The following EIF2S1 variants were observed in gnomAD, a reference collection of about 807,000 sequenced individuals.
EIF2S1 encodes the protein eukaryotic translation initiation factor 2 subunit 1.
A neutral mutation model predicts 33.5 loss-of-function variants in EIF2S1; 5 were observed. The ratio of observed to expected loss-of-function variants is 0.15; its 90% CI spans 0.08 to 0.31. EIF2S1 has a LOEUF of 0.31. Among genes scored for constraint, EIF2S1 ranks in the 10% least tolerant of loss-of-function variants. EIF2S1 has a pLI of 1.00. For synonymous variants in EIF2S1, 99 were observed against 127.5 expected (o/e 0.78, Z 1.51); for missense variants, 191 against 384.6 (o/e 0.50, Z 4.21).
At chr14:67,382,905 G>A (rs566292093) in intron 7 of EIF2S1, among the ~76,000 whole-genome samples, 5 of 140,308 alleles carry the variant, frequency 3.6e-5, no homozygotes, top group South Asian at 2.4e-4. Flanking sequence ...ACGTGCGTGC[G>A]TGCGTGTGTG....
At chr14:67,376,206 GA>G in intron 3 of EIF2S1, among the ~76,000 whole-genome samples, 1 of 152,116 alleles carries the variant, frequency 6.6e-6, no homozygotes, top group Non-Finnish European at 1.5e-5. Context: ...TTTTCCAGAG[GA>G]GGAAACAAGT....
At chr14:67,372,310 G>C (rs962955093) in intron 2 of EIF2S1, among the ~76,000 whole-genome samples, 3 of 152,146 alleles carry the variant, frequency 2.0e-5, no homozygotes, top group African/African-American at 7.2e-5. Context: ...AGCTTAAAAT[G>C]AATCATAGAT....
chr14:67,376,647 A>T, intron 4 of EIF2S1, 57 bp downstream of exon 4: 1 of 1,556,596 alleles, frequency 6.4e-7, no homozygotes, highest in Non-Finnish European at 8.7e-7. Flanking sequence ...TTGGCCTGAT[A>T]TTTAACAGCA....
chr14:67,360,717 C>G (rs1326966188), intron 1 of EIF2S1: 1 of 152,992 alleles, frequency 6.5e-6, no homozygotes, highest in African/African-American at 2.4e-5. Context: ...ATTGTACAGC[C>G]TCTACAATAT....
intron 7 of EIF2S1, among the ~76,000 whole-genome samples, chr14:67,383,053 G>A (rs1291092567): frequency 6.6e-6 from 1 of 151,972 alleles, no homozygotes; most frequent in African/African-American, 2.4e-5. Context: ...GTTATTTCAT[G>A]TTTTCAGTTT....
In EIF2S1 at chr14:67,383,834, C is replaced by T. The variant is rs1165522689; in HGVS notation, c.*394C>T. On this transcript the variant is annotated 3_prime_UTR_variant, in exon 8 of 8. Coordinates refer to ENST00000256383, the MANE Select transcript of EIF2S1 (RefSeq NM_004094.5). ...TCTATATAAAATGTATTCAAGCAAACATCAAATAAATTTCTGGGATATTTA... is the reference window on the plus strand; with the variant it reads ...TCTATATAAAATGTATTCAAGCAAATATCAAATAAATTTCTGGGATATTTA... The T allele has an allele frequency of 4.2e-6, 1 of 239,506 alleles. No individual in the cohort carries two copies. Among genetic ancestry groups the T allele is most frequent in the Admixed American group, 5.2e-5 (1 of 19,238 alleles). 14.8% of individuals were successfully genotyped at this position (239,506 alleles called of 1,614,324 possible). A position where few individuals can be genotyped will look rare whatever the true frequency, so the allele number is the denominator to read the frequency against.
At chr14:67,370,508 A>G (rs1256054338) in intron 2 of EIF2S1, among the ~76,000 whole-genome samples, 1 of 152,202 alleles carries the variant, frequency 6.6e-6, no homozygotes, top group Non-Finnish European at 1.5e-5. Flanking sequence ...CAAATTACCA[A>G]TCTGGAATGA....
In EIF2S1 at chr14:67,364,809, T is replaced by C. The variant is rs2085763922; in HGVS notation, c.42T>C (p.Pro14=). 6 of 1,613,866 alleles carry C rather than the reference T, an allele frequency of 3.7e-6. No individual in the cohort carries two copies. The highest frequency in any genetic ancestry group is 5.1e-6 in the Non-Finnish European group (6 of 1,179,844). The change falls in exon 2 of 8, where the codon CCT becomes CCC. Residue 14 remains proline, a synonymous_variant. Coordinates refer to ENST00000256383, the MANE Select transcript of EIF2S1 (RefSeq NM_004094.5). ...LSCRFYQHKF[P]EVEDVVMVNV... The stretch of plus-strand genomic sequence containing the variant: ...GTAGATTTTATCAACACAAATTTCC[T>C]GAGGTGGAAGATGTAGTGATGGTGA...
At chr14:67,375,232 C>CTG (rs3067321) in intron 3 of EIF2S1, among the ~76,000 whole-genome samples, 3,946 of 137,602 alleles carry the variant, frequency 0.029, 58 homozygotes, top group East Asian at 0.065. Context: ...ATCCTCAGTT[C>CTG]TGTGTGTGTG....
At chr14:67,371,077 C>T (rs1435367152) in intron 2 of EIF2S1, among the ~76,000 whole-genome samples, 1 of 152,024 alleles carries the variant, frequency 6.6e-6, no homozygotes, top group Non-Finnish European at 1.5e-5. Flanking sequence ...TTGTATCAGA[C>T]ATTTAAGGCA....
intron 5 of EIF2S1, 104 bp from the exon 6 acceptor site, chr14:67,381,489 T>G (rs1156960075): frequency 1.2e-6 from 1 of 822,202 alleles, no homozygotes. Flanking sequence ...TTGGATTCAG[T>G]ATAAGTATTT....
At chr14:67,370,737 T>A (rs2085815332) in intron 2 of EIF2S1, among the ~76,000 whole-genome samples, 1 of 152,202 alleles carries the variant, frequency 6.6e-6, no homozygotes, top group African/African-American at 2.4e-5. Flanking sequence ...TCAAGAAAAT[T>A]CGGTCCTGAC....
chr14:67,363,675 A>G (rs1440014536), intron 1 of EIF2S1, among the ~76,000 whole-genome samples: 1 of 152,188 alleles, frequency 6.6e-6, no homozygotes, highest in African/African-American at 2.4e-5. Flanking sequence ...TTGTACCACA[A>G]GGAGATAGGC....
intron 2 of EIF2S1, among the ~76,000 whole-genome samples, chr14:67,370,025 C>G (rs956517261): frequency 4.6e-5 from 7 of 152,342 alleles, no homozygotes; most frequent in African/African-American, 1.4e-4. Context: ...AGCATTGTTT[C>G]TATAGATACT....
intron 2 of EIF2S1, among the ~76,000 whole-genome samples, chr14:67,371,333 C>T (rs1265273305): frequency 4.6e-5 from 7 of 150,732 alleles, no homozygotes; most frequent in East Asian, 2.0e-4. Context: ...GGTGGGAGGA[C>T]GGCTTGAGCC....
At chr14:67,381,526 T>C (rs2085887731) in intron 5 of EIF2S1, 67 bp from the exon 6 acceptor site, 1 of 1,280,850 alleles carries the variant, frequency 7.8e-7, no homozygotes, top group Admixed American at 1.7e-5. Context: ...GCCACGTGTT[T>C]GATTTCCTTT....
chr14:67,383,642 A>G lies in EIF2S1; in HGVS notation c.*202A>G, dbSNP rs370639459. ...GTCACACAGTAGCTCCAACACTTTG[A>G]GCATTTTTAAGGGAGTGGCCTCATT... On this transcript the variant is annotated 3_prime_UTR_variant, in exon 8 of 8. Transcript: ENST00000256383. The G allele has an allele frequency of 1.7e-6, 1 of 604,124 alleles. No homozygotes were observed. Among genetic ancestry groups the G allele is most frequent in the South Asian group, 1.7e-5 (1 of 58,336 alleles). The allele number at this position is 604,124 out of a possible 1,614,324, so 37.4% of individuals were successfully genotyped here. A position where few individuals can be genotyped will look rare whatever the true frequency, so the allele number is the denominator to read the frequency against.
At chr14:67,361,634 G>T (rs1339755665) in intron 1 of EIF2S1, among the ~76,000 whole-genome samples, 1 of 152,196 alleles carries the variant, frequency 6.6e-6, no homozygotes, top group Non-Finnish European at 1.5e-5. Context: ...TGAGAAAGAA[G>T]TCCTACCTAC....
At chr14:67,382,986 A>G (rs1043627829) in intron 7 of EIF2S1, among the ~76,000 whole-genome samples, 5 of 152,132 alleles carry the variant, frequency 3.3e-5, no homozygotes, top group African/African-American at 4.8e-5. Flanking sequence ...TGAGCCTGGA[A>G]GACAGGTTTT....
Sources: allele counts gnomAD v4.1 joint callset (sites outside exome capture counted in the v4.1 genomes callset), GRCh38; gene constraint gnomAD v4.1.1; transcripts MANE v1.5; gene names NCBI Gene and HGNC (gene_info 2026-07-23, HGNC 2026-07-21).